Variants in PDZD2 observed in about 807,000 individuals in gnomAD.
The protein encoded by PDZD2 is PDZ domain-containing protein 2.
Under a neutral mutation model 220.7 loss-of-function variants are expected in PDZD2, and 90 were observed. That is an observed-to-expected ratio of 0.41 (90% CI 0.34 to 0.49). PDZD2 has a LOEUF of 0.49. Ranked by LOEUF, PDZD2 falls within the 20% of genes least tolerant of loss-of-function variation. The probability of loss-of-function intolerance (pLI) is 0.28; values close to 1 mark genes in which losing one functional copy is unlikely to be tolerated. For missense variants in PDZD2, 3,174 were observed against 3,608.5 expected, an observed-to-expected ratio of 0.88 and a Z score of 3.08; for synonymous variants, 1,375 against 1,450.5, an observed-to-expected ratio of 0.95 and a Z score of 1.18.
chr5:31,643,054 A>T (rs1427679252), intron 1 of PDZD2, among the ~76,000 whole-genome samples: 1 of 152,174 alleles, frequency 6.6e-6, no homozygotes, highest in African/African-American at 2.4e-5. Flanking sequence ...TATAAAATTG[A>T]TGCAGTCGCT....
chr5:31,984,109 G>A lies in PDZD2; in HGVS notation c.978+453G>A, dbSNP rs572261875. Among the ~76,000 whole-genome samples the A allele has an allele frequency of 7.2e-5, 11 of 152,230 alleles. No homozygotes were observed. The South Asian group carries it at 2.1e-3, about 29-fold the overall frequency. ...CTAAGCCTCAGTATTACACAGGAAG[G>A]GTATTCAATACACAGGGAAGCATCT... On this transcript the variant is annotated intron_variant, in intron 3 of 24. Coordinates refer to ENST00000438447, the MANE Select transcript of PDZD2 (RefSeq NM_178140.4).
At chr5:31,862,762 C>T (rs1433229680) in intron 2 of PDZD2, among the ~76,000 whole-genome samples, 1 of 152,084 alleles carries the variant, frequency 6.6e-6, no homozygotes, top group Non-Finnish European at 1.5e-5. Context: ...GAGTGTTGCT[C>T]TTTCGCCCAG....
At chr5:31,745,027 C>T (rs757225769) in intron 1 of PDZD2, among the ~76,000 whole-genome samples, 1 of 151,994 alleles carries the variant, frequency 6.6e-6, no homozygotes, top group East Asian at 1.9e-4. Context: ...GAGCCGAGAT[C>T]GCGCCATTGC....
At chr5:31,723,448 G>C (rs253921) in intron 1 of PDZD2, among the ~76,000 whole-genome samples, 121,073 of 151,958 alleles carry the variant, frequency 0.8, 48,387 homozygotes, top group East Asian at 0.94. Flanking sequence ...GGTATTACTT[G>C]TTTATTTTTA....
At chr5:31,889,252 T>C (rs1008518194) in intron 2 of PDZD2, among the ~76,000 whole-genome samples, 11 of 152,332 alleles carry the variant, frequency 7.2e-5, no homozygotes, top group African/African-American at 2.6e-4. Context: ...CTTTTGGCAA[T>C]TGATTAATTT....
intron 2 of PDZD2, among the ~76,000 whole-genome samples, chr5:31,849,903 T>TAC (rs1197207684): frequency 3.9e-5 from 1 of 25,676 alleles, no homozygotes; most frequent in Non-Finnish European, 6.4e-5. Context: ...TATATATATA[T>TAC]ACATATATAT....
At chr5:31,982,583 G>A (rs577889277) in intron 2 of PDZD2, among the ~76,000 whole-genome samples, 66 of 152,312 alleles carry the variant, frequency 4.3e-4, no homozygotes, top group African/African-American at 1.5e-3. Flanking sequence ...CTGGATTACA[G>A]GTGTGAGCCA....
At chr5:32,020,590 T>C (rs1157448406) in intron 6 of PDZD2, among the ~76,000 whole-genome samples, 7 of 152,168 alleles carry the variant, frequency 4.6e-5, no homozygotes, top group African/African-American at 1.7e-4. Context: ...AGATCCTCAC[T>C]TAGTTTCAGT....
At chr5:31,987,495 A>G (rs1289883490) in intron 3 of PDZD2, among the ~76,000 whole-genome samples, 1 of 152,130 alleles carries the variant, frequency 6.6e-6, no homozygotes, top group Non-Finnish European at 1.5e-5. Flanking sequence ...CAGCCTGAGG[A>G]TGGTCCTTTT....
rs572435615 is a variant in PDZD2, at chr5:31,980,975, G to A, written c.477-2180G>A. ...TAACTTTTGTATTTTTAGTAGAGACGAGGTTTCACCATGTTGGCCAGGCTG... is the reference window on the plus strand; with the variant it reads ...TAACTTTTGTATTTTTAGTAGAGACAAGGTTTCACCATGTTGGCCAGGCTG... On this transcript the variant is annotated intron_variant, in intron 2 of 24. Transcript: ENST00000438447. Among the ~76,000 whole-genome samples, 243 of 152,216 alleles carry A rather than the reference G, an allele frequency of 1.6e-3. 1 individual carries two copies. Among genetic ancestry groups the A allele is most frequent in the African/African-American group, 5.7e-3 (237 of 41,532 alleles).
intron 1 of PDZD2, among the ~76,000 whole-genome samples, chr5:31,722,327 G>T (rs1040456280): frequency 6.6e-5 from 10 of 152,082 alleles, no homozygotes; most frequent in African/African-American, 2.4e-4. Context: ...CCTCAAGCAC[G>T]CCCTTGGGTT....
chr5:31,886,696 CTGTCTCTTT>C (rs1740514692), intron 2 of PDZD2, among the ~76,000 whole-genome samples: 1 of 122,878 alleles, frequency 8.1e-6, no homozygotes, highest in African/African-American at 4.0e-5. Context: ...GCACTTGTCT[CTGTCTCTTT>C]TTTTTTTTTT....
At chr5:31,788,215 A>G (rs1474987108) in intron 1 of PDZD2, among the ~76,000 whole-genome samples, 2 of 151,936 alleles carry the variant, frequency 1.3e-5, no homozygotes, top group Non-Finnish European at 2.9e-5. Flanking sequence ...TACTAAAAAT[A>G]CAAAAATTAG....
chr5:31,924,286 G>T (rs1561091927), intron 2 of PDZD2, among the ~76,000 whole-genome samples: 2 of 152,174 alleles, frequency 1.3e-5, no homozygotes, highest in Admixed American at 6.5e-5. Context: ...CATTTGGCTT[G>T]TTCTCCCTGC....
intron 2 of PDZD2, among the ~76,000 whole-genome samples, chr5:31,905,001 C>T (rs6895477): frequency 0.59 from 88,778 of 151,690 alleles, 27,663 homozygotes; most frequent in Middle Eastern, 0.74. Flanking sequence ...CAGAGTCTTG[C>T]TCTGTCACCC....
intron 2 of PDZD2, among the ~76,000 whole-genome samples, chr5:31,947,814 C>G (rs1315860918): frequency 1.3e-5 from 2 of 151,080 alleles, no homozygotes; most frequent in Admixed American, 1.3e-4. Context: ...GTGACCTGGT[C>G]TATGCGTCTG....
At chr5:32,075,682 A>G (rs181897562) in intron 18 of PDZD2, among the ~76,000 whole-genome samples, 1 of 152,228 alleles carries the variant, frequency 6.6e-6, no homozygotes. Flanking sequence ...CGAGAAATCA[A>G]TGTTGTTTAT....
intron 6 of PDZD2, among the ~76,000 whole-genome samples, chr5:32,022,185 G>GT (rs145876120): frequency 0.49 from 66,533 of 134,882 alleles, 15,336 homozygotes; most frequent in Non-Finnish European, 0.55. Context: ...TTGTTTTTTT[G>GT]TTTTTTTGTT....
chr5:31,706,198 C>G (rs997512139), intron 1 of PDZD2, among the ~76,000 whole-genome samples: 2 of 152,150 alleles, frequency 1.3e-5, no homozygotes, highest in African/African-American at 4.8e-5. Flanking sequence ...AATGAGGTGG[C>G]CAAGATGTTG....
Sources: allele counts gnomAD v4.1 joint callset (sites outside exome capture counted in the v4.1 genomes callset), GRCh38; gene constraint gnomAD v4.1.1; transcripts MANE v1.5; gene names NCBI Gene and HGNC (gene_info 2026-07-23, HGNC 2026-07-21).